DNAL1: variants seen among roughly 807,000 people sequenced by gnomAD.
DNAL1 encodes the protein chromosome 14 open reading frame 168.
In DNAL1, 17 loss-of-function variants were observed where a neutral mutation model predicts 29.4. That is an observed-to-expected ratio of 0.58 (90% CI 0.40 to 0.87). The LOEUF (loss-of-function observed/expected upper bound fraction) is 0.87. DNAL1 is among the 40% of genes least tolerant of loss of function. The probability of loss-of-function intolerance (pLI) is 0.00; values close to 1 mark genes in which losing one functional copy is unlikely to be tolerated. For missense variants in DNAL1, 188 were observed against 214.1 expected (o/e 0.88, Z 0.76); for synonymous variants, 78 against 76.3 (o/e 1.02, Z -0.12).
chr14:73,654,086 A>C (rs1891161000), intron 1 of DNAL1, among the ~76,000 whole-genome samples: 1 of 152,236 alleles, frequency 6.6e-6, no homozygotes, highest in African/African-American at 2.4e-5. Flanking sequence ...TATGAAATAA[A>C]GTGGTTAATA....
At chr14:73,676,050 ATTTTT>A (rs546861811) in intron 5 of DNAL1, among the ~76,000 whole-genome samples, 8 of 148,814 alleles carry the variant, frequency 5.4e-5, no homozygotes, top group South Asian at 2.1e-4. Context: ...AAAATAAAAT[ATTTTT>A]TTTTTGAGAC....
chr14:73,691,661 T>C (rs1892174071), intron 7 of DNAL1, among the ~76,000 whole-genome samples: 1 of 152,104 alleles, frequency 6.6e-6, no homozygotes, highest in South Asian at 2.1e-4. Context: ...GAACACTACC[T>C]CCCCAATTCA....
intron 5 of DNAL1, among the ~76,000 whole-genome samples, chr14:73,681,342 C>T (rs558585980): frequency 3.3e-5 from 5 of 151,252 alleles, no homozygotes; most frequent in African/African-American, 9.7e-5. Flanking sequence ...ACCATGTTGG[C>T]CAGGCTGGTC....
intron 5 of DNAL1, among the ~76,000 whole-genome samples, chr14:73,674,937 G>A (rs1002955459): frequency 2.0e-5 from 3 of 151,210 alleles, no homozygotes; most frequent in Non-Finnish European, 4.4e-5. Flanking sequence ...TCCCGCTTCA[G>A]CCTCCCAAGT....
Position 73,699,743 on chromosome 14 carries a change from C to T in DNAL1, c.*3801C>T, listed in dbSNP as rs1167768905. On this transcript the variant is annotated 3_prime_UTR_variant, in exon 8 of 8. Transcript: ENST00000553645. ...TAGGACAGTGATTATTAACCTACCT[C>T]TCTGTTTCTATCAACAGAAGCCAAC... is the stretch of plus-strand genomic sequence containing the variant. 1 of 149,768 alleles carries T rather than the reference C, an allele frequency of 6.7e-6. No individual in the cohort carries two copies. The highest frequency in any genetic ancestry group is 1.5e-5 in the Non-Finnish European group (1 of 68,028). The allele number at this position is 149,768 out of a possible 1,614,324, so 9.3% of individuals were successfully genotyped here.
chr14:73,665,723 G>A (rs35288064), intron 4 of DNAL1, among the ~76,000 whole-genome samples: 130 of 151,964 alleles, frequency 8.6e-4, no homozygotes, highest in Non-Finnish European at 1.4e-3. Flanking sequence ...CCTGGGAGGC[G>A]GAGGTTGCAG....
chr14:73,660,985 G>T (rs1308126135), intron 3 of DNAL1, among the ~76,000 whole-genome samples: 5 of 152,040 alleles, frequency 3.3e-5, no homozygotes, highest in Admixed American at 6.6e-5. Context: ...CTCAGGAGTG[G>T]GGGATGACTA....
At chr14:73,669,199 G>T (rs1891557595) in intron 4 of DNAL1, among the ~76,000 whole-genome samples, 1 of 151,758 alleles carries the variant, frequency 6.6e-6, no homozygotes, top group South Asian at 2.1e-4. Context: ...GAGTGTAGTG[G>T]TGCAAACTCC....
At chr14:73,681,633 A>AAATATATATATATAT (rs1555402645) in intron 5 of DNAL1, among the ~76,000 whole-genome samples, 2 of 35,420 alleles carry the variant, frequency 5.6e-5, no homozygotes, top group Non-Finnish European at 4.1e-5. Context: ...AAAAAAAAAA[A>AAATATATATATATAT]ATATATATAT....
chr14:73,671,711 T>A, intron 5 of DNAL1, 114 bp downstream of exon 5: 1 of 1,190,820 alleles, frequency 8.4e-7, no homozygotes, highest in South Asian at 2.1e-5. Flanking sequence ...CAGTTTCTTT[T>A]AAGGCTTTTG....
Position 73,697,265 on chromosome 14 carries a change from C to G in DNAL1, c.*1323C>G, listed in dbSNP as rs879504504. ...CAGAGACTGTTGATTCTGGTTTCCCCATCTACTTGTGTGATTTTACTTGCA... is the reference window on the plus strand; with the variant it reads ...CAGAGACTGTTGATTCTGGTTTCCCGATCTACTTGTGTGATTTTACTTGCA... On this transcript the variant is annotated 3_prime_UTR_variant, in exon 8 of 8. Transcript: ENST00000553645. 6.6e-6 allele frequency: 1 copy of G among 152,162 alleles called. No homozygotes were observed. The highest frequency in any genetic ancestry group is 6.5e-5 in the Admixed American group (1 of 15,274). The allele number at this position is 152,162 out of a possible 1,614,324, so 9.4% of individuals were successfully genotyped here.
intron 5 of DNAL1, among the ~76,000 whole-genome samples, chr14:73,686,574 T>G (rs1363595660): frequency 6.6e-6 from 1 of 152,028 alleles, no homozygotes; most frequent in African/African-American, 2.4e-5. Context: ...GATGTGGTAG[T>G]GTGCACCTGT....
Position 73,680,536 on chromosome 14 carries a change from A to G in DNAL1, c.265-6723A>G, listed in dbSNP as rs151300794. Among the ~76,000 whole-genome samples the G allele has an allele frequency of 8.0e-3, 1,225 of 152,318 alleles. 23 individuals are homozygous for G. Among genetic ancestry groups the G allele is most frequent in the African/African-American group, 0.028 (1,161 of 41,566 alleles). ...ATTCTTAAATTGACACATTATAATTATACTTATTCATGGGGTACAATGCTA... is the reference window on the plus strand; with the variant it reads ...ATTCTTAAATTGACACATTATAATTGTACTTATTCATGGGGTACAATGCTA... On this transcript the variant is annotated intron_variant, in intron 5 of 7. Transcript: ENST00000553645.
chr14:73,701,600 T>C lies in DNAL1; in HGVS notation c.*5658T>C, dbSNP rs1211065943. The C allele has an allele frequency of 6.6e-6, 1 of 152,242 alleles. No individual in the cohort carries two copies. The allele number at this position is 152,242 out of a possible 1,614,324, so 9.4% of individuals were successfully genotyped here. On this transcript the variant is annotated 3_prime_UTR_variant, in exon 8 of 8. Transcript: ENST00000553645. ...GGTGGGAGGCTCTTTGCCTCTGTGA[T>C]CAGTAGGGTACCTGCCTCTGAGGTG...
chr14:73,670,259 A>C (rs1386695869), intron 4 of DNAL1, among the ~76,000 whole-genome samples: 2 of 152,202 alleles, frequency 1.3e-5, no homozygotes, highest in African/African-American at 4.8e-5. Context: ...AACTGTCAGC[A>C]CTGTCCCAAT....
At chr14:73,660,246 C>G (rs1358731173) in intron 3 of DNAL1, among the ~76,000 whole-genome samples, 2 of 152,092 alleles carry the variant, frequency 1.3e-5, no homozygotes, top group Non-Finnish European at 2.9e-5. Context: ...TTTTGTAATC[C>G]TATATCCTGT....
intron 5 of DNAL1, among the ~76,000 whole-genome samples, chr14:73,672,105 A>G (rs10137235): frequency 0.042 from 6,389 of 152,308 alleles, 146 homozygotes; most frequent in Middle Eastern, 0.075. Context: ...AGTGGTTTCC[A>G]ACAGTAACCT....
chr14:73,694,206 G>A (rs1302243862), intron 7 of DNAL1, among the ~76,000 whole-genome samples: 1 of 150,040 alleles, frequency 6.7e-6, no homozygotes, highest in Non-Finnish European at 1.5e-5. Flanking sequence ...AGGAGTTCAA[G>A]TCCAGCCTGG....
rs1323542831 is a variant in DNAL1 at position 73,698,070 on chromosome 14, A to C, written c.*2128A>C. The C allele has an allele frequency of 2.0e-5, 3 of 152,234 alleles. No homozygotes were observed. Among genetic ancestry groups the C allele is most frequent in the South Asian group, 2.1e-4 (1 of 4,838 alleles). The allele number at this position is 152,234 out of a possible 1,614,324, so 9.4% of individuals were successfully genotyped here. ...AATATAATAGGAAGTAAGTGATTTC[A>C]TATTGAATTTATTTGTAAAATGGCT... On this transcript the variant is annotated 3_prime_UTR_variant, in exon 8 of 8. Transcript: ENST00000553645.
Sources: gnomAD v4.1 joint callset for allele counts (sites outside exome capture counted in the v4.1 genomes callset) on GRCh38, gnomAD v4.1.1 for gene constraint, MANE v1.5 for transcripts, NCBI Gene and HGNC (gene_info 2026-07-23, HGNC 2026-07-21) for gene names.